Variants in FAM124A observed in about 807,000 individuals in gnomAD.
FAM124A encodes protein FAM124A.
Under a neutral mutation model 24.5 loss-of-function variants are expected in FAM124A, and 23 were observed. The observed-to-expected ratio is 0.94, with a 90% confidence interval of 0.68 to 1.33. The LOEUF (loss-of-function observed/expected upper bound fraction) is 1.33. FAM124A is among the 40% of genes most tolerant of loss of function. The pLI is 0.00. For missense variants in FAM124A, 623 were observed against 722.8 expected, an observed-to-expected ratio of 0.86 and a Z score of 1.58; for synonymous variants, 287 against 314.7, an observed-to-expected ratio of 0.91 and a Z score of 0.93.
rs1456672466 is a variant in FAM124A at position 51,227,027 on chromosome 13, T to G, written c.69-4321T>G. The stretch of plus-strand genomic sequence containing the variant: ...AGTGTCTAGAACCCTTAGTACATGA[T>G]TATTTCTCACCATACTATATTATTA... On this transcript the variant is annotated intron_variant, in intron 1 of 3. Transcript: ENST00000322475. Among the ~76,000 whole-genome samples the G allele has an allele frequency of 2.6e-5, 4 of 152,218 alleles. No individual in the cohort carries two copies. The East Asian group carries it at 7.7e-4, about 29-fold the overall frequency.
chr13:51,235,769 A>C lies in FAM124A; in HGVS notation c.100+4390A>C, dbSNP rs1025873575. ...TAGACAGCAGAAAGCACAAATGCTA[A>C]AAGATTGGGTGAAGTGATAGAGGGC... On this transcript the variant is annotated intron_variant, in intron 2 of 3. Transcript: ENST00000322475. Among the ~76,000 whole-genome samples, 6 of 152,226 alleles carry C rather than the reference A, an allele frequency of 3.9e-5. No individual in the cohort carries two copies. The East Asian group carries it at 5.8e-4, about 15-fold the overall frequency.
chr13:51,265,679 G>A (rs535352000), intron 3 of FAM124A, among the ~76,000 whole-genome samples: 3 of 152,064 alleles, frequency 2.0e-5, no homozygotes, highest in African/African-American at 4.8e-5. Context: ...CATTATCACC[G>A]CCGCCACCAC....
intron 2 of FAM124A, among the ~76,000 whole-genome samples, chr13:51,242,081 T>G (rs1954502363): frequency 1.3e-5 from 2 of 152,218 alleles, no homozygotes; most frequent in Non-Finnish European, 2.9e-5. Flanking sequence ...TCCTCTTTTG[T>G]CTTTTTTGTT....
chr13:51,264,538 C>T (rs1954766402), intron 3 of FAM124A, among the ~76,000 whole-genome samples: 1 of 152,078 alleles, frequency 6.6e-6, no homozygotes, highest in South Asian at 2.1e-4. Context: ...GCAGGAAGAT[C>T]ACTTGCGCCC....
intron 2 of FAM124A, among the ~76,000 whole-genome samples, chr13:51,235,351 T>C (rs192822319): frequency 6.7e-6 from 1 of 149,304 alleles, no homozygotes; most frequent in East Asian, 1.9e-4. Context: ...GGGAAATTAT[T>C]TATAAACAGG....
At chr13:51,266,864 T>C (rs1005285724) in intron 3 of FAM124A, among the ~76,000 whole-genome samples, 3 of 152,220 alleles carry the variant, frequency 2.0e-5, no homozygotes, top group African/African-American at 7.2e-5. Flanking sequence ...GAGGAATTTA[T>C]GTCATGCCTA....
chr13:51,259,768 G>A (rs1457891574), intron 3 of FAM124A, among the ~76,000 whole-genome samples: 7 of 152,194 alleles, frequency 4.6e-5, no homozygotes, highest in African/African-American at 1.2e-4. Flanking sequence ...CTCCCCACCA[G>A]GGACAAGCAC....
intron 2 of FAM124A, among the ~76,000 whole-genome samples, chr13:51,248,272 A>G (rs191470068): frequency 1.3e-5 from 2 of 152,262 alleles, no homozygotes; most frequent in East Asian, 1.9e-4. Context: ...CACTTGTTCA[A>G]GCTGGAAACA....
At chr13:51,278,134 AG>A (rs1954901342) in intron 3 of FAM124A, among the ~76,000 whole-genome samples, 1 of 152,238 alleles carries the variant, frequency 6.6e-6, no homozygotes, top group African/African-American at 2.4e-5. Flanking sequence ...AGAGAAAGAA[AG>A]GAACGAGTAC....
intron 3 of FAM124A, among the ~76,000 whole-genome samples, chr13:51,273,429 T>TATGC (rs1954857194): frequency 6.6e-6 from 1 of 152,238 alleles, no homozygotes; most frequent in Non-Finnish European, 1.5e-5. Flanking sequence ...CGCAGATAGA[T>TATGC]ATGCATGCAT....
In FAM124A at chr13:51,281,920, A is replaced by G. The variant is rs1348324950; in HGVS notation, c.*664A>G. 1 of 152,234 alleles carries G rather than the reference A, an allele frequency of 6.6e-6. No individual in the cohort carries two copies. Among genetic ancestry groups the G allele is most frequent in the Non-Finnish European group, 1.5e-5 (1 of 68,042 alleles). 9.4% of individuals were successfully genotyped at this position (152,234 alleles called of 1,614,324 possible). A position where few individuals can be genotyped will look rare whatever the true frequency, so the allele number is the denominator to read the frequency against. On this transcript the variant is annotated 3_prime_UTR_variant, in exon 4 of 4. Coordinates refer to ENST00000322475, the MANE Select transcript of FAM124A (RefSeq NM_001242312.2). ...TTCATAAAGATTTAGCATGAGTAACAGACTCTTGGTGCATTTAAAATATGT... is the reference window on the plus strand; with the variant it reads ...TTCATAAAGATTTAGCATGAGTAACGGACTCTTGGTGCATTTAAAATATGT...
At chr13:51,245,628 C>T (rs1954550679) in intron 2 of FAM124A, among the ~76,000 whole-genome samples, 1 of 152,186 alleles carries the variant, frequency 6.6e-6, no homozygotes, top group African/African-American at 2.4e-5. Context: ...TCCTGTATCA[C>T]GAGGATTGTG....
At chr13:51,267,128 C>T (rs1169888281) in intron 3 of FAM124A, among the ~76,000 whole-genome samples, 1 of 152,184 alleles carries the variant, frequency 6.6e-6, no homozygotes, top group African/African-American at 2.4e-5. Flanking sequence ...TCTCAAATCA[C>T]TGTTTACTAA....
At chr13:51,231,942 A>G (rs1393864838) in intron 2 of FAM124A, among the ~76,000 whole-genome samples, 4 of 152,220 alleles carry the variant, frequency 2.6e-5, no homozygotes, top group Non-Finnish European at 5.9e-5. Context: ...ATGCCAATAC[A>G]TATGTACCAA....
intron 3 of FAM124A, among the ~76,000 whole-genome samples, chr13:51,257,355 C>T (rs1485745882): frequency 6.6e-6 from 1 of 152,230 alleles, no homozygotes; most frequent in African/African-American, 2.4e-5. Context: ...AAGGCCTGCT[C>T]TTCCTAAGGT....
At chr13:51,244,126 G>C (rs1040902049) in intron 2 of FAM124A, among the ~76,000 whole-genome samples, 1 of 152,292 alleles carries the variant, frequency 6.6e-6, no homozygotes, top group South Asian at 2.1e-4. Flanking sequence ...TGGCCTCGTC[G>C]GGGATTACTG....
Position 51,251,585 on chromosome 13 carries a change from A to G in FAM124A, c.218A>G (p.His73Arg). 1 of 1,564,666 alleles carries G rather than the reference A, an allele frequency of 6.4e-7. No homozygotes were observed. Among genetic ancestry groups the G allele is most frequent in the Non-Finnish European group, 8.7e-7 (1 of 1,152,970 alleles). The change falls in exon 3 of 4, where the codon CAC (histidine) becomes CGC (arginine). Residue 73 changes from histidine (H) to arginine (R), a missense_variant. His to Arg is a conservative substitution (Grantham distance 29). Transcript: ENST00000322475. This position sits in a 1 kb window ranked among gnomAD's most constrained non-coding sequence, Gnocchi z 5.3. ...ATCGACAACGTCCTGGCGTGGATCCACCCCGACCTCCCGCTGTTCCGGGTG... is the reference window on the plus strand; with the variant it reads ...ATCGACAACGTCCTGGCGTGGATCCGCCCCGACCTCCCGCTGTTCCGGGTG... Reference protein sequence around the residue: ...EAIDNVLAWIHPDLPLFRVSE... With the variant: ...EAIDNVLAWIRPDLPLFRVSE...
At chr13:51,246,404 T>A (rs6561626) in intron 2 of FAM124A, among the ~76,000 whole-genome samples, 5 of 57,336 alleles carry the variant, frequency 8.7e-5, no homozygotes, top group Non-Finnish European at 1.9e-4. Context: ...TCTCGTGGGG[T>A]GGGGGGGGGT....
rs759946179 is a variant in FAM124A at position 51,251,632 on chromosome 13, C to G, written c.265C>G (p.Arg89Gly). Residue 89 changes from arginine (R) to glycine (G), a missense_variant, in exon 3 of 4, where the codon CGG becomes GGG. By Grantham distance (125) the Arg-to-Gly change is moderately radical. Transcript: ENST00000322475. This position sits in a 1 kb window ranked among gnomAD's most constrained non-coding sequence, Gnocchi z 5.3. ...FRVSERRASRRRRKPPKGAQP... is the reference protein window; with the variant it reads ...FRVSERRASRGRRKPPKGAQP... ...GGTGTCCGAGAGGCGGGCGTCCCGG[C>G]GGCGGCGGAAGCCCCCCAAGGGCGC... 6.4e-7 allele frequency: 1 copy of G among 1,560,776 alleles called. No individual in the cohort carries two copies. Among genetic ancestry groups the G allele is most frequent in the Admixed American group, 1.8e-5 (1 of 55,400 alleles).
Sources: gnomAD v4.1 joint callset for allele counts (sites outside exome capture counted in the v4.1 genomes callset) on GRCh38, gnomAD v4.1.1 for gene constraint, Gnocchi (gnomAD v3.1) non-coding constraint, MANE v1.5 for transcripts, NCBI Gene and HGNC (gene_info 2026-07-23, HGNC 2026-07-21) for gene names.